The following TMEM87A variants were observed in gnomAD, a reference collection of about 807,000 sequenced individuals.
TMEM87A encodes the protein transmembrane protein 87A, also known as Golgi-pH regulating cation channel.
TMEM87A carries 50 observed loss-of-function variants against 90.0 expected under a neutral mutation model. That is an observed-to-expected ratio of 0.56 (90% confidence interval 0.44 to 0.70). TMEM87A has a LOEUF of 0.70. Among genes scored for constraint, TMEM87A ranks in the 30% least tolerant of loss-of-function variants. TMEM87A has a pLI of 0.00. For missense variants in TMEM87A, 577 were observed against 660.5 expected (o/e 0.87, Z 1.39); for synonymous variants, 226 against 226.7 (o/e 1.00, Z 0.03).
chr15:42,220,633 T>TCA (rs2050461636), intron 15 of TMEM87A, among the ~76,000 whole-genome samples: 1 of 16,630 alleles, frequency 6.0e-5, no homozygotes, highest in East Asian at 1.3e-3. Flanking sequence ...TCCAGGTAAT[T>TCA]TAATTTCAGT....
At chr15:42,222,240 T>G (rs1411636896) in intron 15 of TMEM87A, among the ~76,000 whole-genome samples, 3 of 152,096 alleles carry the variant, frequency 2.0e-5, no homozygotes, top group Non-Finnish European at 4.4e-5. Context: ...GTATTTTTAG[T>G]AGAGACGGGG....
At chr15:42,213,200 T>C (rs550966252) in intron 19 of TMEM87A, among the ~76,000 whole-genome samples, 14 of 152,328 alleles carry the variant, frequency 9.2e-5, no homozygotes, top group African/African-American at 3.1e-4. Context: ...GACTGGAATG[T>C]ACATCCAACA....
chr15:42,273,446 T>G, upstream of TMEM87A: 1 of 1,609,270 alleles, frequency 6.2e-7, no homozygotes, highest in South Asian at 1.1e-5. Context: ...CCTCTTCCGG[T>G]TCGTCCCGCC....
rs1595756119 is a variant in TMEM87A at position 42,272,258 on chromosome 15, C to T, written c.145-135G>A. ...ACGTACCCCTTAATCAGTTCATTCC[C>T]TTTACTCACCAATCACTGCTCAGAA... On this transcript the variant is annotated intron_variant, in intron 1 of 19. Transcript: ENST00000389834. 1.1e-5 allele frequency: 6 copies of T among 534,878 alleles called. No individual in the cohort carries two copies. In the East Asian group the frequency reaches 1.7e-4, roughly 15 times the overall value. 33.1% of individuals were successfully genotyped at this position (534,878 alleles called of 1,614,324 possible). A position where few individuals can be genotyped will look rare whatever the true frequency, so the allele number is the denominator to read the frequency against.
intron 19 of TMEM87A, among the ~76,000 whole-genome samples, chr15:42,212,612 T>G (rs1187808441): frequency 6.6e-6 from 1 of 152,220 alleles, no homozygotes. Flanking sequence ...CTCATTTTTG[T>G]GGAGAACATT....
At chr15:42,212,586 T>C (rs1595699119) in intron 19 of TMEM87A, among the ~76,000 whole-genome samples, 1 of 152,330 alleles carries the variant, frequency 6.6e-6, no homozygotes, top group East Asian at 1.9e-4. Context: ...AGATCCCAAG[T>C]CTTTTTCCTA....
At chr15:42,231,358 G>C (rs2140934039) in intron 11 of TMEM87A, 98 bp from the exon 12 acceptor site, 1 of 947,796 alleles carries the variant, frequency 1.1e-6, no homozygotes, top group South Asian at 1.9e-5. Flanking sequence ...TCACTGGAAA[G>C]TTTTTGCATT....
At chr15:42,220,896 AT>A (rs1487980338) in intron 15 of TMEM87A, among the ~76,000 whole-genome samples, 2 of 152,090 alleles carry the variant, frequency 1.3e-5, no homozygotes, top group Non-Finnish European at 2.9e-5. Context: ...GGTTCACACC[AT>A]TCTCCTGCCT....
chr15:42,263,418 T>C (rs1408973277), intron 4 of TMEM87A, among the ~76,000 whole-genome samples: 1 of 152,192 alleles, frequency 6.6e-6, no homozygotes, highest in East Asian at 1.9e-4. Flanking sequence ...TTTTGTTTAA[T>C]AGGTATGATG....
intron 10 of TMEM87A, among the ~76,000 whole-genome samples, chr15:42,234,160 A>G (rs2050734473): frequency 3.3e-5 from 5 of 152,238 alleles, no homozygotes; most frequent in African/African-American, 7.2e-5. Flanking sequence ...TAATATAATC[A>G]AATATCCTAT....
intron 2 of TMEM87A, 64 bp from the exon 3 acceptor site, chr15:42,268,096 G>T: frequency 7.1e-7 from 1 of 1,406,172 alleles, no homozygotes; most frequent in East Asian, 2.3e-5. Context: ...TTCCTAAGCT[G>T]TTAACCTATA....
At chr15:42,263,961 T>C in intron 4 of TMEM87A, 129 bp downstream of exon 4, 2 of 662,364 alleles carry the variant, frequency 3.0e-6, no homozygotes, top group Non-Finnish European at 5.3e-6. Context: ...ACTATGTACC[T>C]ATCAGAACAT....
intron 6 of TMEM87A, among the ~76,000 whole-genome samples, chr15:42,244,764 G>A (rs2050940308): frequency 6.9e-6 from 1 of 145,478 alleles, no homozygotes; most frequent in African/African-American, 2.5e-5. Context: ...ACTTTGAGGG[G>A]TAGTGACTCT....
In TMEM87A at chr15:42,227,715, T is replaced by G; in HGVS notation, c.1295A>C (p.Gln432Pro). Residue 432 changes from glutamine (Q) to proline (P), a missense_variant, in exon 14 of 20, where the codon CAG becomes CCG. By Grantham distance (76) the Gln-to-Pro change is moderately conservative. Coordinates refer to ENST00000389834, the MANE Select transcript of TMEM87A (RefSeq NM_015497.5). ...TTMKFRIVTCQSDWRELWVDD... is the reference protein window; with the variant it reads ...TTMKFRIVTCPSDWRELWVDD... The stretch of plus-strand genomic sequence containing the variant: ...ATAAATGTGCTTATAACTCACCGAC[T>G]GACATGTCACTATTCTGAACTTCAT... 1 of 1,613,768 alleles carries G rather than the reference T, an allele frequency of 6.2e-7. No homozygotes were observed. Among genetic ancestry groups the G allele is most frequent in the Non-Finnish European group, 8.5e-7 (1 of 1,179,738 alleles).
At chr15:42,238,713 C>T (rs1279646324) in intron 8 of TMEM87A, among the ~76,000 whole-genome samples, 1 of 150,728 alleles carries the variant, frequency 6.6e-6, no homozygotes, top group East Asian at 2.0e-4. Flanking sequence ...ATTATCATGC[C>T]ACTGCACTCC....
chr15:42,258,515 C>A, intron 6 of TMEM87A: 2 of 369,862 alleles, frequency 5.4e-6, no homozygotes, highest in Non-Finnish European at 7.6e-6. Context: ...CAGCCTCCAC[C>A]TCCCAAGTTC....
intron 3 of TMEM87A, 71 bp downstream of exon 3, chr15:42,267,876 T>C (rs2051436290): frequency 4.0e-6 from 5 of 1,256,586 alleles, no homozygotes; most frequent in African/African-American, 3.0e-5. Context: ...CTCTTTCCTC[T>C]ATGAAATTAA....
chr15:42,262,812 T>G (rs1248396945), intron 4 of TMEM87A, among the ~76,000 whole-genome samples: 1 of 152,230 alleles, frequency 6.6e-6, no homozygotes, highest in Non-Finnish European at 1.5e-5. Context: ...CCAAAATAAT[T>G]TTTAAATATA....
chr15:42,243,126 G>C lies in TMEM87A; in HGVS notation c.622+924C>G, dbSNP rs866809926. Among the ~76,000 whole-genome samples the C allele has an allele frequency of 1.6e-4, 25 of 152,094 alleles. No homozygotes were observed. The Middle Eastern group carries it at 0.01, about 62-fold the overall frequency. ...CTAAAAAATACAAAAAAATTAGCTGGGTGTGGTGGCGGGCGCCTGTAGTCC... is the reference window on the plus strand; with the variant it reads ...CTAAAAAATACAAAAAAATTAGCTGCGTGTGGTGGCGGGCGCCTGTAGTCC... On this transcript the variant is annotated intron_variant, in intron 7 of 19. Coordinates refer to ENST00000389834, the MANE Select transcript of TMEM87A (RefSeq NM_015497.5).
Sources: gnomAD v4.1 joint callset for allele counts (sites outside exome capture counted in the v4.1 genomes callset) on GRCh38, gnomAD v4.1.1 for gene constraint, MANE v1.5 for transcripts, NCBI Gene and HGNC (gene_info 2026-07-23, HGNC 2026-07-21) for gene names.